Variants in ATP6V1H observed in about 807,000 individuals in gnomAD.
ATP6V1H encodes V-type proton ATPase subunit H.
Under a neutral mutation model 71.7 loss-of-function variants are expected in ATP6V1H, and 39 were observed. The ratio of observed to expected loss-of-function variants is 0.54; its 90% CI spans 0.42 to 0.71. The LOEUF is 0.71. Among genes scored for constraint, ATP6V1H ranks in the 30% least tolerant of loss-of-function variants. The probability of loss-of-function intolerance (pLI) is 0.00; values close to 1 mark genes in which losing one functional copy is unlikely to be tolerated. For synonymous variants in ATP6V1H, 192 were observed against 199.3 expected (o/e 0.96, Z 0.31); for missense variants, 509 against 594.9 (o/e 0.86, Z 1.50).
chr8:53,790,482 C>G (rs1809532051), intron 9 of ATP6V1H, among the ~76,000 whole-genome samples: 1 of 152,174 alleles, frequency 6.6e-6, no homozygotes, highest in Non-Finnish European at 1.5e-5. Context: ...ACCAAAGGTT[C>G]ATTTAGCACA....
In ATP6V1H at chr8:53,730,539, C is replaced by T. The variant is rs377087131; in HGVS notation, c.1391+13038G>A. On this transcript the variant is annotated intron_variant, in intron 13 of 13. Transcript: ENST00000359530. ...TTTACCAAAACCATGAGTCTGAGTA[C>T]GCACTATATATTGCATCAATGGACC... Among the ~76,000 whole-genome samples the T allele has an allele frequency of 9.9e-5, 15 of 152,048 alleles. No homozygotes were observed. The East Asian group carries it at 1.2e-3, about 12-fold the overall frequency.
At chr8:53,786,085 G>T (rs1809373007) in intron 9 of ATP6V1H, among the ~76,000 whole-genome samples, 1 of 152,244 alleles carries the variant, frequency 6.6e-6, no homozygotes, top group African/African-American at 2.4e-5. Context: ...GGACATTTAA[G>T]TCTGCAGAGG....
chr8:53,726,884 C>A (rs961577339), intron 13 of ATP6V1H, among the ~76,000 whole-genome samples: 2 of 152,192 alleles, frequency 1.3e-5, no homozygotes, highest in Non-Finnish European at 2.9e-5. Context: ...TCCCCACTAT[C>A]TAGCCCCACT....
chr8:53,820,146 G>A (rs977911688), intron 4 of ATP6V1H, among the ~76,000 whole-genome samples: 33 of 151,932 alleles, frequency 2.2e-4, no homozygotes, highest in African/African-American at 7.7e-4. Context: ...GAAGTTCTAA[G>A]GTGGATCTAC....
chr8:53,732,730 T>A (rs1230433868), intron 13 of ATP6V1H, among the ~76,000 whole-genome samples: 2 of 144,658 alleles, frequency 1.4e-5, no homozygotes, highest in Admixed American at 1.4e-4. Flanking sequence ...AAAGAAGAAA[T>A]CCCAGAAACA....
chr8:53,813,463 T>C (rs754807759), intron 6 of ATP6V1H, among the ~76,000 whole-genome samples: 45 of 152,196 alleles, frequency 3.0e-4, no homozygotes, highest in Non-Finnish European at 5.1e-4. Context: ...TAGACATTCA[T>C]TTGTAATCTA....
chr8:53,737,174 CT>C (rs1208590162), intron 13 of ATP6V1H, among the ~76,000 whole-genome samples: 1 of 152,256 alleles, frequency 6.6e-6, no homozygotes, highest in Non-Finnish European at 1.5e-5. Context: ...AATACAGCCA[CT>C]TCCTTCTTTA....
chr8:53,770,060 C>G (rs1808600537), intron 10 of ATP6V1H, among the ~76,000 whole-genome samples: 1 of 152,060 alleles, frequency 6.6e-6, no homozygotes, highest in African/African-American at 2.4e-5. Context: ...AATTGATAAT[C>G]AGAATTTCTA....
chr8:53,740,533 A>G (rs1807371225), intron 13 of ATP6V1H, among the ~76,000 whole-genome samples: 1 of 152,236 alleles, frequency 6.6e-6, no homozygotes. Flanking sequence ...CATTTATAAT[A>G]ACTCGTTTCC....
chr8:53,819,585 T>TATATATAA (rs1451338810), intron 4 of ATP6V1H, among the ~76,000 whole-genome samples: 24 of 83,568 alleles, frequency 2.9e-4, no homozygotes, highest in East Asian at 1.2e-3. Flanking sequence ...TATATATATA[T>TATATATAA]AAAATACACA....
At chr8:53,800,321 T>C (rs991539363) in intron 8 of ATP6V1H, among the ~76,000 whole-genome samples, 1 of 152,234 alleles carries the variant, frequency 6.6e-6, no homozygotes, top group African/African-American at 2.4e-5. Flanking sequence ...TGTGAGTCTT[T>C]CTAATGAATC....
intron 12 of ATP6V1H, among the ~76,000 whole-genome samples, chr8:53,751,539 T>A (rs967705596): frequency 2.0e-5 from 3 of 152,246 alleles, no homozygotes; most frequent in Non-Finnish European, 2.9e-5. Flanking sequence ...CGACTTTTTT[T>A]AAATAAGAAC....
intron 11 of ATP6V1H, among the ~76,000 whole-genome samples, chr8:53,768,574 C>A (rs1015625381): frequency 2.0e-5 from 3 of 152,116 alleles, no homozygotes; most frequent in African/African-American, 4.8e-5. Flanking sequence ...AAAATGTGGT[C>A]TTATCCACAA....
chr8:53,777,930 G>C (rs1808951750), intron 9 of ATP6V1H, among the ~76,000 whole-genome samples: 1 of 152,136 alleles, frequency 6.6e-6, no homozygotes, highest in Admixed American at 6.5e-5. Flanking sequence ...TATATACCTG[G>C]ATAAATATAA....
intron 9 of ATP6V1H, among the ~76,000 whole-genome samples, chr8:53,787,161 A>T (rs891382647): frequency 4.6e-5 from 7 of 152,204 alleles, no homozygotes; most frequent in African/African-American, 1.4e-4. Context: ...CCACACTTTT[A>T]AAAATGCTGT....
intron 11 of ATP6V1H, among the ~76,000 whole-genome samples, chr8:53,765,154 AG>A (rs1394378004): frequency 6.6e-6 from 1 of 152,094 alleles, no homozygotes; most frequent in Non-Finnish European, 1.5e-5. Context: ...CTGTAATCCC[AG>A]GACTTTGGGA....
At chr8:53,724,412 C>G (rs1193587302) in intron 13 of ATP6V1H, among the ~76,000 whole-genome samples, 2 of 152,138 alleles carry the variant, frequency 1.3e-5, no homozygotes, top group Admixed American at 1.3e-4. Context: ...TAACAGAACC[C>G]TTTCATCTTA....
intron 13 of ATP6V1H, among the ~76,000 whole-genome samples, chr8:53,720,508 T>G (rs747314325): frequency 1.3e-5 from 2 of 152,230 alleles, no homozygotes; most frequent in Non-Finnish European, 2.9e-5. Context: ...AAGCACTTAC[T>G]TAGCTATAGT....
chr8:53,716,109 A>G, intron 13 of ATP6V1H, 85 bp from the exon 14 acceptor site: 1 of 1,008,468 alleles, frequency 9.9e-7, no homozygotes. Context: ...ATGCACTGTC[A>G]TATATACTTA....
Sources: gnomAD v4.1 joint callset for allele counts (sites outside exome capture counted in the v4.1 genomes callset) on GRCh38, gnomAD v4.1.1 for gene constraint, MANE v1.5 for transcripts, NCBI Gene and HGNC (gene_info 2026-07-23, HGNC 2026-07-21) for gene names.